LRRC18: variants seen among roughly 807,000 people sequenced by gnomAD.
LRRC18 encodes the protein leucine-rich repeat-containing protein 18.
LRRC18 carries 12 observed loss-of-function variants against 11.2 expected under a neutral mutation model. The observed-to-expected ratio is 1.07, with a 90% CI of 0.69 to 1.74. LRRC18 has a LOEUF of 1.74. LRRC18 is among the 40% of genes most tolerant of loss of function. The probability of loss-of-function intolerance (pLI) is 0.00; values close to 1 mark genes in which losing one functional copy is unlikely to be tolerated. For synonymous variants in LRRC18, 155 were observed against 130.6 expected (o/e 1.19, Z -1.27); for missense variants, 374 against 330.5 (o/e 1.13, Z -1.02).
intron 1 of LRRC18, among the ~76,000 whole-genome samples, chr10:48,911,977 C>G (rs773431615): frequency 5.3e-5 from 8 of 152,176 alleles, no homozygotes; most frequent in Non-Finnish European, 1.0e-4. Flanking sequence ...TAAGTTAATA[C>G]CACTTCACTG....
chr10:48,928,761 C>G, the LRRC18 span, among the ~76,000 whole-genome samples: 1 of 152,196 alleles, frequency 6.6e-6, no homozygotes, highest in South Asian at 2.1e-4. Context: ...CCTGTGGCAG[C>G]TTTGCTGACC....
the LRRC18 span, among the ~76,000 whole-genome samples, chr10:48,921,905 G>A: frequency 1.1e-3 from 166 of 152,140 alleles, no homozygotes; most frequent in Middle Eastern, 0.01. Flanking sequence ...AAGACACTTC[G>A]GAAATTTCTT....
chr10:48,936,200 A>G, the LRRC18 span, among the ~76,000 whole-genome samples: 14 of 152,156 alleles, frequency 9.2e-5, no homozygotes, highest in Non-Finnish European at 1.2e-4. Flanking sequence ...ATTTAGAAAT[A>G]AAAACAAAAC....
chr10:48,911,343 AC>A (rs1342793404), intron 1 of LRRC18, among the ~76,000 whole-genome samples: 1 of 152,136 alleles, frequency 6.6e-6, no homozygotes, highest in Non-Finnish European at 1.5e-5. Flanking sequence ...ATGTGTGTAA[AC>A]CTTTTATGAG....
At chr10:48,935,142 G>A in the LRRC18 span, 2 of 152,326 alleles carry the variant, frequency 1.3e-5, no homozygotes, top group South Asian at 2.1e-4. Context: ...AAAGTAAATC[G>A]ATAAGCGCAG....
the LRRC18 span, among the ~76,000 whole-genome samples, chr10:48,922,593 C>T: frequency 6.6e-6 from 1 of 152,136 alleles, no homozygotes; most frequent in Non-Finnish European, 1.5e-5. Flanking sequence ...TAAACTTTAT[C>T]ATAGGCATGT....
At chr10:48,910,633 G>A (rs1226617291) in intron 1 of LRRC18, among the ~76,000 whole-genome samples, 1 of 152,148 alleles carries the variant, frequency 6.6e-6, no homozygotes, top group African/African-American at 2.4e-5. Context: ...TGTCTGACTT[G>A]AATGCATTGA....
the LRRC18 span, among the ~76,000 whole-genome samples, chr10:48,922,566 G>A: frequency 2.6e-5 from 4 of 152,070 alleles, no homozygotes; most frequent in South Asian, 4.2e-4. Flanking sequence ...ATCTCTTACG[G>A]TGCCTAACTC....
At chr10:48,932,737 G>A in the LRRC18 span, 3 of 152,130 alleles carry the variant, frequency 2.0e-5, no homozygotes, top group Non-Finnish European at 4.4e-5. Context: ...AGCTGATGAT[G>A]TGACAGAGAA....
At chr10:48,931,793 C>T in the LRRC18 span, among the ~76,000 whole-genome samples, 1 of 152,240 alleles carries the variant, frequency 6.6e-6, no homozygotes, top group Non-Finnish European at 1.5e-5. Context: ...GAAATCATGA[C>T]TGAAGCACTA....
At chr10:48,910,248 T>C in exon 2 of LRRC18, 1 of 1,613,668 alleles carries the variant, frequency 6.2e-7, no homozygotes, top group African/African-American at 1.3e-5. Flanking sequence ...TAGGAAGATG[T>C]CAAGCGTATT....
chr10:48,918,312 A>G (rs910419112), upstream of LRRC18, among the ~76,000 whole-genome samples: 1 of 152,186 alleles, frequency 6.6e-6, no homozygotes, highest in African/African-American at 2.4e-5. Flanking sequence ...AAAGAAAAAG[A>G]CCCAATTGTA....
At chr10:48,910,070 A>G in exon 2 of LRRC18, 1 of 645,052 alleles carries the variant, frequency 1.6e-6, no homozygotes, top group Non-Finnish European at 2.8e-6. Context: ...AAGCTAAGGG[A>G]GGTGAAGTGA....
In LRRC18 at chr10:48,913,582, T is replaced by C. The variant is rs148800062; in HGVS notation, c.574A>G (p.Ile192Val). Residue 192 changes from isoleucine to valine, a missense_variant, in exon 1 of 2, where the codon ATC (isoleucine) becomes GTC (valine). Physicochemically the swap from Ile to Val is conservative, Grantham distance 29. Coordinates refer to ENST00000374160, the Ensembl canonical transcript of LRRC18. The stretch of plus-strand genomic sequence containing the variant: ...ACATACAAGTTCTCCAGCCTCCTGA[T>C]GGAGTCTATGAATATTTCCGACTCA... 6.2e-7 allele frequency: 1 copy of C among 1,614,184 alleles called. No homozygotes were observed. Among genetic ancestry groups the C allele is most frequent in the Non-Finnish European group, 8.5e-7 (1 of 1,180,026 alleles).
chr10:48,928,250 C>T, the LRRC18 span, among the ~76,000 whole-genome samples: 17 of 152,132 alleles, frequency 1.1e-4, no homozygotes, highest in African/African-American at 3.9e-4. Context: ...GTCTCCTGAA[C>T]CCCACAAGCT....
chr10:48,913,295 G>T, intron 1 of LRRC18, 97 bp downstream of exon 3: 3 of 1,158,622 alleles, frequency 2.6e-6, no homozygotes, highest in Non-Finnish European at 3.7e-6. Context: ...AGCTGCTGCA[G>T]CCACAGGGGA....
exon 1 of LRRC18, chr10:48,914,114 G>C: frequency 6.8e-6 from 11 of 1,614,182 alleles, no homozygotes; most frequent in Non-Finnish European, 9.3e-6. Context: ...CCACCTTGAG[G>C]GTGATCTTCT....
chr10:48,939,456 A>T, the LRRC18 span, among the ~76,000 whole-genome samples: 1 of 152,158 alleles, frequency 6.6e-6, no homozygotes, highest in South Asian at 2.1e-4. Context: ...GTGGAGATAG[A>T]ATTTAGATCC....
At chr10:48,913,697 G>C (rs748422745) in exon 1 of LRRC18, 1 of 1,612,800 alleles carries the variant, frequency 6.2e-7, no homozygotes, top group African/African-American at 1.3e-5. Flanking sequence ...TCAGTAGGTT[G>C]TCATGGAGCC....
Sources: allele counts gnomAD v4.1 joint callset (sites outside exome capture counted in the v4.1 genomes callset), GRCh38; gene constraint gnomAD v4.1.1; transcripts MANE v1.5; gene names NCBI Gene and HGNC (gene_info 2026-07-23, HGNC 2026-07-21).